The following SMARCA4 variants were observed in gnomAD, a reference collection of about 807,000 sequenced individuals.
The protein encoded by SMARCA4 is SWI/SNF-related matrix-associated actin-dependent regulator of chromatin subfamily A member 4.
A neutral mutation model predicts 193.9 loss-of-function variants in SMARCA4; 31 were observed. The observed-to-expected ratio is 0.16, with a 90% confidence interval of 0.12 to 0.22. The LOEUF is 0.22. SMARCA4 is among the 10% of genes least tolerant of loss of function. The pLI, the probability that SMARCA4 is intolerant of heterozygous loss-of-function variation, is 1.00. For missense variants in SMARCA4, 1,148 were observed against 2,296.0 expected (o/e 0.50, Z 10.22); for synonymous variants, 942 against 933.1 (o/e 1.01, Z -0.17).
intron 8 of SMARCA4, among the ~76,000 whole-genome samples, chr19:10,993,705 G>A (rs2086756919): frequency 6.6e-6 from 1 of 151,560 alleles, no homozygotes; most frequent in Non-Finnish European, 1.5e-5. Flanking sequence ...GAGTGCAGTG[G>A]CGCGATCTCG....
chr19:11,004,610 TC>T (rs1485934496), intron 13 of SMARCA4, among the ~76,000 whole-genome samples: 2 of 152,168 alleles, frequency 1.3e-5, no homozygotes, highest in Non-Finnish European at 2.9e-5. Flanking sequence ...TACATCTTTT[TC>T]CCTTCTTTTA....
intron 1 of SMARCA4, among the ~76,000 whole-genome samples, chr19:10,976,932 C>T (rs1053649042): frequency 1.3e-5 from 2 of 152,048 alleles, no homozygotes; most frequent in African/African-American, 2.4e-5. Context: ...CAGTGTGCGC[C>T]TGTAGTCCCA....
intron 29 of SMARCA4, among the ~76,000 whole-genome samples, chr19:11,039,170 A>G (rs960296485): frequency 5.3e-5 from 8 of 152,224 alleles, no homozygotes; most frequent in African/African-American, 1.7e-4. Context: ...CCTGGCCAAC[A>G]TGGCAAAAAC....
Position 11,031,252 on chromosome 19 carries a change from C to G in SMARCA4, c.3546+359C>G, listed in dbSNP as rs750774254. ...GCAGTGTGCCCTGTGAGCACACACA[C>G]TGGCGCTTGTTCAGACACAATTGGG... On this transcript the variant is annotated intron_variant, in intron 25 of 34. Coordinates refer to ENST00000344626, the MANE Select transcript of SMARCA4 (RefSeq NM_003072.5). This position sits in a 1 kb window ranked among gnomAD's most constrained non-coding sequence, Gnocchi z 4.3. 2.8e-6 allele frequency: 1 copy of G among 356,488 alleles called. No homozygotes were observed. Among genetic ancestry groups the G allele is most frequent in the African/African-American group, 2.1e-5 (1 of 47,720 alleles). 22.1% of individuals were successfully genotyped at this position (356,488 alleles called of 1,614,324 possible). A position where few individuals can be genotyped will look rare whatever the true frequency, so the allele number is the denominator to read the frequency against.
chr19:11,024,307 G>T (rs540433024), intron 20 of SMARCA4, 24 bp from the exon 21 acceptor site: 2 of 1,562,610 alleles, frequency 1.3e-6, no homozygotes, highest in African/African-American at 2.7e-5. Flanking sequence ...TTGGGCCCTC[G>T]TGAGCATTAT....
At chr19:10,980,468 G>A (rs1252409039) in intron 1 of SMARCA4, among the ~76,000 whole-genome samples, 1 of 152,064 alleles carries the variant, frequency 6.6e-6, no homozygotes, top group Non-Finnish European at 1.5e-5. Flanking sequence ...GAGGGGAGAA[G>A]TTCTAATGCT....
chr19:11,004,952 G>T (rs902007461), intron 13 of SMARCA4, among the ~76,000 whole-genome samples: 2 of 151,786 alleles, frequency 1.3e-5, no homozygotes, highest in Non-Finnish European at 2.9e-5. Flanking sequence ...TGATTCTCCT[G>T]CCTCAGCCTC....
At position 11,058,991 on chromosome 19, in the gene SMARCA4, C is replaced by A; in HGVS notation, c.4635+102C>A. ...CTGAATTGATGGGTTAAAAACAAGT[C>A]CCGCTAGCTGTGGTGGTTCGTGCCT... On this transcript the variant is annotated intron_variant, in intron 32 of 34. Transcript: ENST00000344626. The surrounding 1 kb of genome is among the most constrained non-coding windows in gnomAD (Gnocchi z 5.8). 1 of 924,968 alleles carries A rather than the reference C, an allele frequency of 1.1e-6. No homozygotes were observed. Among genetic ancestry groups the A allele is most frequent in the South Asian group, 1.4e-5 (1 of 72,548 alleles). The allele number at this position is 924,968 out of a possible 1,614,324, so 57.3% of individuals were successfully genotyped here.
chr19:11,007,835 C>G, intron 13 of SMARCA4, 67 bp from the exon 14 acceptor site: 1 of 1,582,210 alleles, frequency 6.3e-7, no homozygotes, highest in Non-Finnish European at 8.7e-7. Context: ...GACTGTTCTC[C>G]CCATGGGAGT....
chr19:11,059,455 G>A (rs1454370314), intron 32 of SMARCA4, among the ~76,000 whole-genome samples: 1 of 152,230 alleles, frequency 6.6e-6, no homozygotes, highest in Non-Finnish European at 1.5e-5. Context: ...CAATGTTATT[G>A]CAGACCTCAG....
chr19:11,009,938 C>G (rs555563237), intron 14 of SMARCA4, among the ~76,000 whole-genome samples: 1 of 151,888 alleles, frequency 6.6e-6, no homozygotes, highest in East Asian at 1.9e-4. Flanking sequence ...ATCCACATGC[C>G]TTGGCCTCCC....
At chr19:10,980,160 C>G (rs1450240753) in intron 1 of SMARCA4, among the ~76,000 whole-genome samples, 1 of 152,160 alleles carries the variant, frequency 6.6e-6, no homozygotes, top group Non-Finnish European at 1.5e-5. Context: ...TACTGTCACT[C>G]TGCACGTGTC....
intron 30 of SMARCA4, among the ~76,000 whole-genome samples, chr19:11,055,474 C>T (rs2076491116): frequency 6.6e-6 from 1 of 152,080 alleles, no homozygotes; most frequent in Non-Finnish European, 1.5e-5. Context: ...AGGCGTGAGC[C>T]ACTGCGCCCA....
Position 11,027,871 on chromosome 19 carries a change from G to C in SMARCA4, c.3303G>C (p.Leu1101=), listed in dbSNP as rs878854213. 4 of 1,614,164 alleles carry C rather than the reference G, an allele frequency of 2.5e-6. No homozygotes were observed. The highest frequency in any genetic ancestry group is 1.3e-5 in the African/African-American group (1 of 75,068). Residue 1101 remains leucine (L), a synonymous_variant, in exon 24 of 35, where the codon CTG becomes CTC. Transcript: ENST00000344626. ...GAGCAACCAACCACAAAGTGCTGCTGTTCTGCCAAATGACCTCCCTCATGA... is the reference window on the plus strand; with the variant it reads ...GAGCAACCAACCACAAAGTGCTGCTCTTCTGCCAAATGACCTCCCTCATGA... ...KLRATNHKVL[L]FCQMTSLMTI...
chr19:11,012,818 A>G, intron 15 of SMARCA4, 131 bp from the exon 16 acceptor site: 1 of 787,484 alleles, frequency 1.3e-6, no homozygotes, highest in East Asian at 2.6e-5. Flanking sequence ...ATCCGTGGTA[A>G]AGGCAGTAGA....
intron 16 of SMARCA4, among the ~76,000 whole-genome samples, chr19:11,013,540 G>T (rs763386206): frequency 6.6e-6 from 1 of 152,132 alleles, no homozygotes; most frequent in African/African-American, 2.4e-5. Context: ...AGCTCCACCC[G>T]TCACAGCCTC....
chr19:10,983,860 G>A lies in SMARCA4; in HGVS notation c.-31-261G>A. On this transcript the variant is annotated intron_variant, in intron 1 of 34. Transcript: ENST00000344626. ...TGCCGTGATCAGGAATATGGCAGGA[G>A]CCCCTGAAGGCCCCTGTGGGGCAGT... 1.1e-5 allele frequency: 6 copies of A among 548,618 alleles called. 1 individual carries two copies. The South Asian group carries it at 1.2e-4, about 11-fold the overall frequency. 34.0% of individuals were successfully genotyped at this position (548,618 alleles called of 1,614,324 possible).
rs879211703 is a variant in SMARCA4 at position 11,039,607 on chromosome 19, G to A, written c.4171-1700G>A. 40 of 1,010,366 alleles carry A rather than the reference G, an allele frequency of 4.0e-5. No individual in the cohort carries two copies. The South Asian group carries it at 5.4e-4, about 14-fold the overall frequency. The allele number at this position is 1,010,366 out of a possible 1,614,324, so 62.6% of individuals were successfully genotyped here. A position where few individuals can be genotyped will look rare whatever the true frequency, so the allele number is the denominator to read the frequency against. The stretch of plus-strand genomic sequence containing the variant: ...CTGAGGGCTGCACAACACTGGGGAC[G>A]TGCCTAATGCCCCTGAACTGTGTAC... On this transcript the variant is annotated intron_variant, in intron 29 of 34. Transcript: ENST00000344626.
intron 32 of SMARCA4, 86 bp from the exon 33 acceptor site, chr19:11,059,667 G>C (rs2076742807): frequency 6.9e-7 from 1 of 1,441,962 alleles, no homozygotes; most frequent in Non-Finnish European, 9.5e-7. Context: ...GGGCAACACA[G>C]GGCTGGGGCT....
Sources: gnomAD v4.1 joint callset for allele counts (sites outside exome capture counted in the v4.1 genomes callset) on GRCh38, gnomAD v4.1.1 for gene constraint, Gnocchi (gnomAD v3.1) non-coding constraint, MANE v1.5 for transcripts, NCBI Gene and HGNC (gene_info 2026-07-23, HGNC 2026-07-21) for gene names.